The following KIF3B variants were observed in gnomAD, a reference collection of about 807,000 sequenced individuals.
KIF3B encodes kinesin family member 3B.
KIF3B carries 38 observed loss-of-function variants against 74.3 expected under a neutral mutation model. That is an observed-to-expected ratio of 0.51 (90% CI 0.39 to 0.67). The LOEUF (loss-of-function observed/expected upper bound fraction) is 0.67, where lower values mean the gene tolerates loss of function less well. Ranked by LOEUF, KIF3B falls within the 30% of genes least tolerant of loss-of-function variation. KIF3B has a pLI of 0.00. For missense variants in KIF3B, 649 were observed against 932.0 expected (o/e 0.70, Z 3.95); for synonymous variants, 326 against 342.5 (o/e 0.95, Z 0.53).
Position 32,332,249 on chromosome 20 carries a change from G to C in KIF3B, c.*930G>C, listed in dbSNP as rs535893144. 6.5e-6 allele frequency: 1 copy of C among 152,810 alleles called. No homozygotes were observed. Among genetic ancestry groups the C allele is most frequent in the Non-Finnish European group, 1.5e-5 (1 of 68,204 alleles). The allele number at this position is 152,810 out of a possible 1,614,324, so 9.5% of individuals were successfully genotyped here. A position where few individuals can be genotyped will look rare whatever the true frequency, so the allele number is the denominator to read the frequency against. ...AAAGGAGGCTGTCTCTGCCTTCTCT[G>C]ATGGGACTGGAGTTGAGGGAAGGAG... On this transcript the variant is annotated 3_prime_UTR_variant, in exon 9 of 9. Transcript: ENST00000375712.
At chr20:32,299,996 C>CA (rs1328852157) in intron 1 of KIF3B, among the ~76,000 whole-genome samples, 2 of 151,858 alleles carry the variant, frequency 1.3e-5, no homozygotes, top group Non-Finnish European at 2.9e-5. Flanking sequence ...GGCTGGTCTC[C>CA]AACTCCTGGA....
At chr20:32,289,861 G>A (rs2047683347) in intron 1 of KIF3B, among the ~76,000 whole-genome samples, 1 of 152,120 alleles carries the variant, frequency 6.6e-6, no homozygotes, top group Non-Finnish European at 1.5e-5. Context: ...GATGGACCTG[G>A]TTTCAGCTTG....
intron 5 of KIF3B, among the ~76,000 whole-genome samples, chr20:32,321,448 T>G (rs1332988505): frequency 6.6e-6 from 1 of 151,074 alleles, no homozygotes; most frequent in Non-Finnish European, 1.5e-5. Flanking sequence ...AAAAAGAAAG[T>G]CAGTTGACCG....
intron 1 of KIF3B, among the ~76,000 whole-genome samples, chr20:32,279,030 T>A (rs1184249256): frequency 6.6e-6 from 1 of 150,876 alleles, no homozygotes; most frequent in Non-Finnish European, 1.5e-5. Flanking sequence ...TTCAAGCGAT[T>A]CTCCTGCCTC....
chr20:32,298,331 G>A (rs1311775445), intron 1 of KIF3B, among the ~76,000 whole-genome samples: 2 of 150,704 alleles, frequency 1.3e-5, no homozygotes, highest in South Asian at 2.1e-4. Context: ...CAGCTACTCA[G>A]GAGGCTGAGG....
At chr20:32,290,838 C>T (rs571191875) in intron 1 of KIF3B, among the ~76,000 whole-genome samples, 18 of 150,584 alleles carry the variant, frequency 1.2e-4, no homozygotes, top group African/African-American at 4.4e-4. Flanking sequence ...GTGATTGCAC[C>T]ACTGCACTCC....
In KIF3B at chr20:32,333,045, C is replaced by T. The variant is rs908536765; in HGVS notation, c.*1726C>T. On this transcript the variant is annotated 3_prime_UTR_variant, in exon 9 of 9. Transcript: ENST00000375712. ...AAACAGGAGGTACTAAGTGCAATGT[C>T]TTAGCATTCTGCAAAATGGAGATCT... The T allele has an allele frequency of 6.6e-6, 1 of 152,632 alleles. No homozygotes were observed. The highest frequency in any genetic ancestry group is 2.4e-5 in the African/African-American group (1 of 41,440). The allele number at this position is 152,632 out of a possible 1,614,324, so 9.5% of individuals were successfully genotyped here. A position where few individuals can be genotyped will look rare whatever the true frequency, so the allele number is the denominator to read the frequency against.
At chr20:32,285,363 G>C (rs1232430161) in intron 1 of KIF3B, among the ~76,000 whole-genome samples, 1 of 152,172 alleles carries the variant, frequency 6.6e-6, no homozygotes, top group Non-Finnish European at 1.5e-5. Context: ...TACACTGGGT[G>C]AGAAGATAGT....
At position 32,322,758 on chromosome 20, in the gene KIF3B, TTATATATATTTA is replaced by T. The variant is rs1288906607; in HGVS notation, c.1749-3993_1749-3982del. Reference sequence around the variant, plus strand: ...TATATATATTTATTTATATATATATTTATATATATTTATATATATATTTATATATATTTATAT... The same window carrying T: ...TATATATATTTATTTATATATATATTTATATATATTTATATATATTTATAT... On this transcript the variant is annotated intron_variant, in intron 5 of 8. Coordinates refer to ENST00000375712, the MANE Select transcript of KIF3B (RefSeq NM_004798.4). Among the ~76,000 whole-genome samples, 9 of 42,644 alleles carry T rather than the reference TTATATATATTTA, an allele frequency of 2.1e-4. 3 individuals are homozygous for T. Among genetic ancestry groups the T allele is most frequent in the Admixed American group, 1.5e-3 (3 of 2,040 alleles). The allele number at this position is 42,644 out of a possible 152,430, so 28.0% of individuals were successfully genotyped here.
At chr20:32,321,536 C>G (rs544016322) in intron 5 of KIF3B, among the ~76,000 whole-genome samples, 11 of 152,018 alleles carry the variant, frequency 7.2e-5, no homozygotes, top group African/African-American at 2.7e-4. Context: ...CATGCTAGTA[C>G]CATTCTGTCT....
chr20:32,295,174 A>G (rs1302388420), intron 1 of KIF3B, among the ~76,000 whole-genome samples: 1 of 152,140 alleles, frequency 6.6e-6, no homozygotes, highest in East Asian at 1.9e-4. Flanking sequence ...GCCCTCAAGT[A>G]TGTTGTGCCA....
Position 32,331,562 on chromosome 20 carries a change from A to G in KIF3B, c.*243A>G, listed in dbSNP as rs2047930438. 1 of 506,046 alleles carries G rather than the reference A, an allele frequency of 2.0e-6. No individual in the cohort carries two copies. Among genetic ancestry groups the G allele is most frequent in the Non-Finnish European group, 3.4e-6 (1 of 290,530 alleles). The allele number at this position is 506,046 out of a possible 1,614,324, so 31.3% of individuals were successfully genotyped here. A position where few individuals can be genotyped will look rare whatever the true frequency, so the allele number is the denominator to read the frequency against. Reference sequence around the variant, plus strand: ...AAATGCATGGGTAAGGTAAAGTGCGATAGTTCAAGTGGAAAGCAAGAGAAT... The same window carrying G: ...AAATGCATGGGTAAGGTAAAGTGCGGTAGTTCAAGTGGAAAGCAAGAGAAT... On this transcript the variant is annotated 3_prime_UTR_variant, in exon 9 of 9. Coordinates refer to ENST00000375712, the MANE Select transcript of KIF3B (RefSeq NM_004798.4).
intron 1 of KIF3B, among the ~76,000 whole-genome samples, chr20:32,279,022 C>A (rs1182234808): frequency 6.8e-6 from 1 of 146,430 alleles, no homozygotes; most frequent in Non-Finnish European, 1.5e-5. Context: ...CTCGTGTGTT[C>A]AAGCGATTCT....
intron 1 of KIF3B, among the ~76,000 whole-genome samples, chr20:32,307,098 T>C (rs1177603204): frequency 6.6e-6 from 1 of 152,154 alleles, no homozygotes; most frequent in Non-Finnish European, 1.5e-5. Context: ...CCAGCAAAAA[T>C]AAGCGGAAGG....
At chr20:32,286,809 G>A (rs2047669182) in intron 1 of KIF3B, among the ~76,000 whole-genome samples, 1 of 152,122 alleles carries the variant, frequency 6.6e-6, no homozygotes, top group Non-Finnish European at 1.5e-5. Context: ...AACATTATGA[G>A]TAATGCTTCA....
At chr20:32,319,582 G>GTTTTTTTTTTTTTTTTTTTTTGTTTTTT (rs34028388) in intron 5 of KIF3B, among the ~76,000 whole-genome samples, 1 of 92,022 alleles carries the variant, frequency 1.1e-5, no homozygotes, top group Non-Finnish European at 2.1e-5. Context: ...TTTTGTTTTT[G>GTTTTTTTTTTTTTTTTTTTTTGTTTTTT]TTTTTTTTTT....
At chr20:32,329,424 G>T (rs1406616096) in intron 7 of KIF3B, among the ~76,000 whole-genome samples, 1 of 148,874 alleles carries the variant, frequency 6.7e-6, no homozygotes, top group Non-Finnish European at 1.5e-5. Flanking sequence ...GTCATAGCTC[G>T]CTGTATCCTC....
chr20:32,304,341 C>T (rs962409049), intron 1 of KIF3B, among the ~76,000 whole-genome samples: 1 of 152,218 alleles, frequency 6.6e-6, no homozygotes, highest in Admixed American at 6.5e-5. Flanking sequence ...GGGAGAATGG[C>T]AGGAAATAAG....
intron 2 of KIF3B, among the ~76,000 whole-genome samples, chr20:32,313,687 C>A (rs1319109426): frequency 6.7e-6 from 1 of 149,516 alleles, no homozygotes; most frequent in Non-Finnish European, 1.5e-5. Context: ...GTAAGCGCGA[C>A]TGGCTGTGCC....
Sources: allele counts gnomAD v4.1 joint callset (sites outside exome capture counted in the v4.1 genomes callset), GRCh38; gene constraint gnomAD v4.1.1; transcripts MANE v1.5; gene names NCBI Gene and HGNC (gene_info 2026-07-23, HGNC 2026-07-21).